Variants in CLEC16A observed in about 807,000 individuals in gnomAD.
CLEC16A encodes C-type lectin domain containing 16A.
A neutral mutation model predicts 109.5 loss-of-function variants in CLEC16A; 51 were observed. That is an observed-to-expected ratio of 0.47 (90% CI 0.37 to 0.59). The LOEUF is 0.59. Ranked by LOEUF, CLEC16A falls within the 20% of genes least tolerant of loss-of-function variation. The pLI, the probability that CLEC16A is intolerant of heterozygous loss-of-function variation, is 0.00. For missense variants in CLEC16A, 1,339 were observed against 1,394.0 expected (o/e 0.96, Z 0.63); for synonymous variants, 673 against 564.2 (o/e 1.19, Z -2.73).
chr16:11,113,345 A>G (rs2051730290), intron 19 of CLEC16A, among the ~76,000 whole-genome samples: 1 of 152,174 alleles, frequency 6.6e-6, no homozygotes, highest in African/African-American at 2.4e-5. Context: ...TGTGCAAATA[A>G]CATACCTATT....
At chr16:11,109,461 T>C (rs1297753761) in intron 19 of CLEC16A, among the ~76,000 whole-genome samples, 1 of 152,138 alleles carries the variant, frequency 6.6e-6, no homozygotes, top group African/African-American at 2.4e-5. Flanking sequence ...GCCCTGATAA[T>C]CTTTCAGTAC....
chr16:11,027,412 T>C (rs1280251763), intron 13 of CLEC16A: 1 of 1,453,102 alleles, frequency 6.9e-7, no homozygotes, highest in Admixed American at 1.7e-5. Flanking sequence ...AATCTACAAA[T>C]GCTGCGTATA....
At chr16:11,013,206 A>G (rs905322500) in intron 11 of CLEC16A, among the ~76,000 whole-genome samples, 1 of 152,222 alleles carries the variant, frequency 6.6e-6, no homozygotes, top group Non-Finnish European at 1.5e-5. Context: ...CATCCATGTT[A>G]TAATGCAACA....
intron 19 of CLEC16A, among the ~76,000 whole-genome samples, chr16:11,096,248 G>C (rs1375472826): frequency 6.6e-6 from 1 of 152,118 alleles, no homozygotes; most frequent in Non-Finnish European, 1.5e-5. Flanking sequence ...AGGAGGCTGA[G>C]GTGGGAGGAT....
intron 23 of CLEC16A, among the ~76,000 whole-genome samples, chr16:11,172,588 A>AT (rs2068567828): frequency 6.6e-6 from 1 of 152,122 alleles, no homozygotes; most frequent in Admixed American, 6.6e-5. Flanking sequence ...TTAAACATTC[A>AT]TTTTTAAAAA....
intron 15 of CLEC16A, among the ~76,000 whole-genome samples, chr16:11,043,012 A>G (rs996391002): frequency 1.3e-5 from 2 of 151,852 alleles, no homozygotes; most frequent in Non-Finnish European, 2.9e-5. Flanking sequence ...TATGTAAATG[A>G]AACATCTATT....
chr16:11,049,953 C>T (rs1401952068), intron 17 of CLEC16A, among the ~76,000 whole-genome samples: 1 of 152,240 alleles, frequency 6.6e-6, no homozygotes, highest in East Asian at 1.9e-4. Context: ...AAGCAGCATG[C>T]ACCAAGTGGC....
chr16:11,046,566 C>G (rs2047644761), intron 16 of CLEC16A, among the ~76,000 whole-genome samples: 1 of 152,172 alleles, frequency 6.6e-6, no homozygotes, highest in South Asian at 2.1e-4. Flanking sequence ...ACAGTGAGTG[C>G]TCACACTGAC....
At chr16:11,028,079 A>G (rs550500338) in intron 13 of CLEC16A, among the ~76,000 whole-genome samples, 2 of 152,214 alleles carry the variant, frequency 1.3e-5, no homozygotes, top group Non-Finnish European at 2.9e-5. Context: ...GCATGCCTGT[A>G]ATCCCAGCTA....
At chr16:11,042,964 A>T (rs2047426540) in intron 15 of CLEC16A, among the ~76,000 whole-genome samples, 1 of 151,134 alleles carries the variant, frequency 6.6e-6, no homozygotes, top group African/African-American at 2.4e-5. Context: ...CACTACGTAT[A>T]TTTACATATG....
chr16:10,973,404 GGAAT>G (rs1485007978), intron 7 of CLEC16A, among the ~76,000 whole-genome samples: 2 of 152,158 alleles, frequency 1.3e-5, no homozygotes, highest in African/African-American at 4.8e-5. Flanking sequence ...GCGATAAAAA[GGAAT>G]GAAGTGCTGA....
intron 10 of CLEC16A, 33 bp from the exon 11 acceptor site, chr16:11,003,041 A>T: frequency 6.4e-7 from 1 of 1,557,864 alleles, no homozygotes. Flanking sequence ...CTAGTGTTCA[A>T]ATTCACCTGT....
intron 19 of CLEC16A, among the ~76,000 whole-genome samples, chr16:11,106,367 C>T (rs775166170): frequency 2.6e-4 from 39 of 151,924 alleles, no homozygotes; most frequent in Non-Finnish European, 4.1e-4. Flanking sequence ...TAGCTCACTG[C>T]AGCCTCGAAC....
chr16:10,990,150 AT>A (rs1162815912), intron 10 of CLEC16A, among the ~76,000 whole-genome samples: 1 of 152,222 alleles, frequency 6.6e-6, no homozygotes, highest in Non-Finnish European at 1.5e-5. Context: ...TAATTGACCC[AT>A]TGCAGACATT....
chr16:11,046,711 T>G (rs913828915), intron 16 of CLEC16A, among the ~76,000 whole-genome samples: 1 of 152,196 alleles, frequency 6.6e-6, no homozygotes, highest in Non-Finnish European at 1.5e-5. Context: ...AAAGCTGGAT[T>G]TGGTTATGTG....
intron 18 of CLEC16A, among the ~76,000 whole-genome samples, chr16:11,058,797 C>G (rs923011736): frequency 6.6e-6 from 1 of 152,170 alleles, no homozygotes; most frequent in African/African-American, 2.4e-5. Flanking sequence ...CCCACCTGCT[C>G]TGGTCCTGCA....
rs1596874702 is a variant in CLEC16A, at chr16:10,982,973, G to C, written c.1053G>C (p.Gln351His). 6.2e-7 allele frequency: 1 copy of C among 1,605,220 alleles called. No homozygotes were observed. The highest frequency in any genetic ancestry group is 2.2e-5 in the East Asian group (1 of 44,844). The change falls in exon 10 of 24, where the codon CAG (glutamine) becomes CAC (histidine). Residue 351 changes from glutamine (Q) to histidine (H), a missense_variant. Physicochemically the swap from Gln to His is conservative, Grantham distance 24. Around this residue, in one of 3 missense-constraint regions of CLEC16A, gnomAD observed 1,061 missense variants for 1,006.8 expected, o/e 1.05. Coordinates refer to ENST00000409790, the MANE Select transcript of CLEC16A (RefSeq NM_015226.3). ...CTGAGATGTACGCTAAGACTGAACA[G>C]GATATTCAGAGAAGTTCTGTAAGTC... ...DLSEMYAKTE[Q>H]DIQRSSAKPS...
chr16:10,985,557 T>TC (rs974745828), intron 10 of CLEC16A, among the ~76,000 whole-genome samples: 8 of 151,816 alleles, frequency 5.3e-5, no homozygotes, highest in Non-Finnish European at 8.8e-5. Context: ...CTTTTTTTTT[T>TC]TTTTAGTTGC....
intron 23 of CLEC16A, among the ~76,000 whole-genome samples, chr16:11,177,238 G>C (rs1382461560): frequency 6.6e-6 from 1 of 152,202 alleles, no homozygotes; most frequent in East Asian, 1.9e-4. Flanking sequence ...ATGAATTCCA[G>C]CTGCATCTGG....
Sources: allele counts gnomAD v4.1 joint callset (sites outside exome capture counted in the v4.1 genomes callset), GRCh38; gene constraint gnomAD v4.1.1; regional missense constraint gnomAD v4.1.1; transcripts MANE v1.5; gene names NCBI Gene and HGNC (gene_info 2026-07-23, HGNC 2026-07-21).